The following TAF1 variants were observed in gnomAD, a reference collection of about 807,000 sequenced individuals.
TAF1 encodes transcription initiation factor TFIID subunit 1.
In TAF1, 2 loss-of-function variants were observed where a neutral mutation model predicts 138.5. That is an observed-to-expected ratio of 0.01 (90% confidence interval 0.01 to 0.05). TAF1 has a LOEUF of 0.05. Among genes scored for constraint, TAF1 ranks in the 10% least tolerant of loss-of-function variants. TAF1 has a pLI of 1.00. For missense variants in TAF1, 709 were observed against 1,478.0 expected (o/e 0.48, Z 8.53); for synonymous variants, 437 against 503.2 (o/e 0.87, Z 1.76).
At chrX:71,398,511 C>T (rs2034984594) in intron 23 of TAF1, 61 bp from the exon 24 acceptor site, 15 of 1,179,904 alleles carry the variant, frequency 1.3e-5, no homozygotes, top group Non-Finnish European at 1.7e-5. Context: ...CGATAGTCTT[C>T]TTGGTTAAGG....
rs1252501317 is a variant in TAF1, at chrX:71,398,707, C to T, written c.3756C>T (p.Pro1252=). The part of the protein sequence containing the change: ...EKLKGPPEKK[P]KKMKERPDLK... ...TTAAGGGTCCTCCTGAGAAGAAGCC[C>T]AAGAAAATGAAGGAGCGTCCTGACC... The change falls in exon 24 of 38, where the codon CCC becomes CCT. Residue 1252 remains proline, a synonymous_variant. Coordinates refer to ENST00000423759, the MANE Select transcript of TAF1 (RefSeq NM_004606.5). 8.3e-7 allele frequency: 1 copy of T among 1,207,470 alleles called. No homozygotes were observed. The highest frequency in any genetic ancestry group is 1.1e-6 in the Non-Finnish European group (1 of 894,298).
chrX:71,394,124 T>C lies in TAF1; in HGVS notation c.3285T>C (p.Asp1095=). 1 of 1,212,035 alleles carries C rather than the reference T, an allele frequency of 8.3e-7. No homozygotes were observed. The highest frequency in any genetic ancestry group is 1.1e-6 in the Non-Finnish European group (1 of 895,590). ...ACACAGACAGCAGCTCAGCTGAAGA[T>C]AGTGACTTTGAAGAAATGGGAAAGA... is the stretch of plus-strand genomic sequence containing the variant. ...STDTDSSSAE[D]SDFEEMGKNI... The change falls in exon 22 of 38, where the codon GAT becomes GAC. Residue 1095 remains aspartate (D), a synonymous_variant. Coordinates refer to ENST00000423759, the MANE Select transcript of TAF1 (RefSeq NM_004606.5).
At chrX:71,423,847 G>A in intron 30 of TAF1, 127 bp from the exon 31 acceptor site, 1 of 511,402 alleles carries the variant, frequency 2.0e-6, no homozygotes, top group Non-Finnish European at 3.2e-6. Context: ...AGTTTTGTAT[G>A]ATTATGTGTT....
chrX:71,442,362 C>T (rs941234566), intron 32 of TAF1, among the ~76,000 whole-genome samples: 1 of 112,235 alleles, frequency 8.9e-6, no homozygotes, highest in Non-Finnish European at 1.9e-5. Flanking sequence ...GCCATTCTAA[C>T]TGGTATGAGA....
intron 28 of TAF1, among the ~76,000 whole-genome samples, chrX:71,412,309 G>T (rs2035840089): frequency 1.9e-5 from 2 of 107,850 alleles, no homozygotes; most frequent in Non-Finnish European, 3.8e-5. Context: ...TTTTTATTTT[G>T]TAGAGACAAG....
chrX:71,504,741 C>CAAAAAAAAAAAAAAAAA (rs41370846), intron 13 of TAF1, among the ~76,000 whole-genome samples: 2 of 5,702 alleles, frequency 3.5e-4, no homozygotes, highest in African/African-American at 5.3e-4. Context: ...GACCCTGTCT[C>CAAAAAAAAAAAAAAAAA]AAAAAAAAAA....
At chrX:71,374,913 C>T (rs1228257346) in intron 3 of TAF1, among the ~76,000 whole-genome samples, 3 of 109,011 alleles carry the variant, frequency 2.8e-5, no homozygotes, top group South Asian at 4.0e-4. Flanking sequence ...GGAGAAACCC[C>T]GTCTCTACTA....
At chrX:71,516,120 G>C (rs1048443064) in intron 13 of TAF1, among the ~76,000 whole-genome samples, 6 of 109,762 alleles carry the variant, frequency 5.5e-5, no homozygotes, top group Non-Finnish European at 1.1e-4. Flanking sequence ...GAAGTGCAAC[G>C]GTGCAATCTC....
intron 28 of TAF1, chrX:71,413,717 T>C (rs182297204): frequency 9.8e-5 from 11 of 111,694 alleles, no homozygotes; most frequent in East Asian, 2.8e-4. Flanking sequence ...TGGCAACTTA[T>C]TGTCTGATTG....
chrX:71,431,947 C>T (rs1427145777), intron 32 of TAF1, among the ~76,000 whole-genome samples: 1 of 107,674 alleles, frequency 9.3e-6, no homozygotes, highest in African/African-American at 3.4e-5. Flanking sequence ...AAGGAGTGGC[C>T]AGAATGAAAG....
At chrX:71,366,903 C>T (rs1450948488) in intron 1 of TAF1, among the ~76,000 whole-genome samples, 1 of 111,789 alleles carries the variant, frequency 8.9e-6, no homozygotes, top group African/African-American at 3.3e-5. Context: ...ACCTGCCTCC[C>T]GCTCGTTTGG....
intron 22 of TAF1, among the ~76,000 whole-genome samples, chrX:71,395,193 T>G (rs2148393108): frequency 8.9e-6 from 1 of 111,763 alleles, no homozygotes; most frequent in Non-Finnish European, 1.9e-5. Flanking sequence ...ACTAGAAAGA[T>G]GTTGGTACCA....
intron 32 of TAF1, among the ~76,000 whole-genome samples, chrX:71,425,623 C>A (rs1440275148): frequency 2.7e-5 from 3 of 111,202 alleles, no homozygotes; most frequent in Admixed American, 9.6e-5. Context: ...ACATCCTGGG[C>A]AACAGCAAGA....
chrX:71,412,854 G>A (rs1324643191), intron 28 of TAF1, among the ~76,000 whole-genome samples: 2 of 112,247 alleles, frequency 1.8e-5, no homozygotes, highest in Admixed American at 9.5e-5. Context: ...CCAAAGTTCC[G>A]CGATTACAGG....
At chrX:71,470,402 A>G (rs1039950760), downstream of TAF1, among the ~76,000 whole-genome samples, 3 of 110,085 alleles carry the variant, frequency 2.7e-5, no homozygotes, top group Non-Finnish European at 5.7e-5. Context: ...GTGTATATAT[A>G]TATGTATACA....
chrX:71,383,145 A>G lies in TAF1; in HGVS notation c.1928A>G (p.His643Arg). ...CACTCAGTCCAACCTTTGCTAAAGC[A>G]CATCAAAAAAAAGGCCAAGGTATAA... ...GPHSVQPLLK[H>R]IKKKAKMREQ... The change falls in exon 12 of 38, where the codon CAC (histidine) becomes CGC (arginine). Residue 643 changes from histidine to arginine, a missense_variant. This residue lies in a region of TAF1 where 201 missense variants were observed against 421.3 expected (regional missense o/e 0.48). Coordinates refer to ENST00000423759, the MANE Select transcript of TAF1 (RefSeq NM_004606.5). 1 of 1,209,586 alleles carries G rather than the reference A, an allele frequency of 8.3e-7. No homozygotes were observed. Among genetic ancestry groups the G allele is most frequent in the Non-Finnish European group, 1.1e-6 (1 of 895,053 alleles).
intron 13 of TAF1, among the ~76,000 whole-genome samples, chrX:71,526,784 G>A (rs770087979): frequency 8.2e-5 from 9 of 109,682 alleles, no homozygotes; most frequent in African/African-American, 2.3e-4. Context: ...TTTTAGGCCA[G>A]TAATTACAGG....
At chrX:71,419,025 C>T (rs965332462) in intron 28 of TAF1, among the ~76,000 whole-genome samples, 1 of 111,114 alleles carries the variant, frequency 9.0e-6, no homozygotes, top group Non-Finnish European at 1.9e-5. Context: ...CCTCGGCCTC[C>T]CAAAGTGCTA....
In TAF1 at chrX:71,377,807, C is replaced by G. The variant is rs2033589964; in HGVS notation, c.919C>G (p.Leu307Val). The change falls in exon 6 of 38, where the codon CTC becomes GTC. Residue 307 changes from leucine (L) to valine (V), a missense_variant. This residue lies in a region of TAF1 where 201 missense variants were observed against 421.3 expected (regional missense o/e 0.48). Coordinates refer to ENST00000423759, the MANE Select transcript of TAF1 (RefSeq NM_004606.5). ...TCCACCACCACCTCCAGAGCAGTGT[C>G]TCTCTGATGATGAAGTAGGCAAAAT... ...YAPPPPPEQCLSDDEITMMAP... is the reference protein window; with the variant it reads ...YAPPPPPEQCVSDDEITMMAP... 8.3e-7 allele frequency: 1 copy of G among 1,203,145 alleles called. No homozygotes were observed. Among genetic ancestry groups the G allele is most frequent in the African/African-American group, 1.8e-5 (1 of 56,934 alleles).
Sources: gnomAD v4.1 joint callset for allele counts (sites outside exome capture counted in the v4.1 genomes callset) on GRCh38, gnomAD v4.1.1 for gene constraint, gnomAD v4.1.1 regional missense constraint, MANE v1.5 for transcripts, NCBI Gene and HGNC (gene_info 2026-07-23, HGNC 2026-07-21) for gene names.